Variants in RNF212B observed in about 807,000 individuals in gnomAD.
RNF212B encodes ring finger protein 212B.
A neutral mutation model predicts 55.5 loss-of-function variants in RNF212B; 52 were observed. The ratio of observed to expected loss-of-function variants is 0.94; its 90% CI spans 0.75 to 1.18. RNF212B has a LOEUF of 1.18. Among genes scored for constraint, RNF212B ranks in the 50% most tolerant of loss-of-function variants. The pLI, the probability that RNF212B is intolerant of heterozygous loss-of-function variation, is 0.00. For missense variants in RNF212B, 289 were observed against 350.4 expected (o/e 0.82, Z 1.40); for synonymous variants, 99 against 121.4 (o/e 0.82, Z 1.21).
In RNF212B at chr14:23,258,562, A is replaced by T; in HGVS notation, c.242A>T (p.Gln81Leu). Residue 81 changes from glutamine to leucine, a missense_variant, in exon 5 of 15, where the codon CAG (glutamine) becomes CTG (leucine). Transcript: ENST00000430154. ...FSHISQVWSF[Q>L]KKQTDLLIAF... ...TTTCCCTAGTAGGTGTGGAGTTTCCAGAAGAAACAAACAGATCTCCTCATC... is the reference window on the plus strand; with the variant it reads ...TTTCCCTAGTAGGTGTGGAGTTTCCTGAAGAAACAAACAGATCTCCTCATC... The T allele has an allele frequency of 6.5e-7, 1 of 1,530,746 alleles. No individual in the cohort carries two copies. Among genetic ancestry groups the T allele is most frequent in the Non-Finnish European group, 8.8e-7 (1 of 1,136,072 alleles). 94.8% of individuals were successfully genotyped at this position (1,530,746 alleles called of 1,614,324 possible).
At chr14:23,260,411 A>G (rs1885206945) in intron 6 of RNF212B, among the ~76,000 whole-genome samples, 1 of 151,782 alleles carries the variant, frequency 6.6e-6, no homozygotes, top group African/African-American at 2.4e-5. Context: ...CTCACCAGAG[A>G]CTCCGTATTT....
intron 4 of RNF212B, among the ~76,000 whole-genome samples, chr14:23,252,251 A>C (rs1331824564): frequency 2.0e-5 from 3 of 152,088 alleles, no homozygotes; most frequent in African/African-American, 7.2e-5. Flanking sequence ...GAATAACAAA[A>C]GATGCTCCTA....
chr14:23,240,237 C>T (rs978051183), intron 1 of RNF212B, 108 bp from the exon 2 acceptor site: 31 of 688,770 alleles, frequency 4.5e-5, no homozygotes, highest in Non-Finnish European at 7.2e-5. Flanking sequence ...TATGCCACAT[C>T]CCAAAAAGCT....
At chr14:23,222,117 A>G (rs1417148213) in intron 2 of RNF212B, among the ~76,000 whole-genome samples, 1 of 152,090 alleles carries the variant, frequency 6.6e-6, no homozygotes, top group Non-Finnish European at 1.5e-5. Context: ...AAATTAGGAG[A>G]AAAAAAGCAA....
chr14:23,264,262 G>T, intron 10 of RNF212B, 28 bp downstream of exon 10: 1 of 1,511,882 alleles, frequency 6.6e-7, no homozygotes. Context: ...TATCTTTCCA[G>T]ATTGAAGTTT....
At chr14:23,238,114 C>T (rs556607543) in intron 1 of RNF212B, among the ~76,000 whole-genome samples, 59 bp downstream of exon 1, 19 of 152,314 alleles carry the variant, frequency 1.2e-4, no homozygotes, top group African/African-American at 4.6e-4. Context: ...GCCCCATCGC[C>T]TCTGGAAAGC....
Position 23,262,678 on chromosome 14 carries a change from C to G in RNF212B, c.448C>G (p.Arg150Gly). 1.3e-6 allele frequency: 2 copies of G among 1,550,376 alleles called. No homozygotes were observed. Among genetic ancestry groups the G allele is most frequent in the Non-Finnish European group, 1.7e-6 (2 of 1,146,928 alleles). Residue 150 changes from arginine (R) to glycine (G), a missense_variant, in exon 8 of 15, where the codon CGA (arginine) becomes GGA (glycine). By Grantham distance (125) the Arg-to-Gly change is moderately radical. Transcript: ENST00000430154. The stretch of plus-strand genomic sequence containing the variant: ...TTTCCCTTGCAGGTCAATCACACCT[C>G]GACCAGTGGGCATTACTTCCCCATC... ...RYQGSRSITP[R>G]PVGITSPSQS...
intron 2 of RNF212B, among the ~76,000 whole-genome samples, chr14:23,230,274 T>A (rs1412267482): frequency 6.6e-6 from 1 of 152,246 alleles, no homozygotes; most frequent in Non-Finnish European, 1.5e-5. Flanking sequence ...TTCTTGATAG[T>A]ATCCTTTGTT....
chr14:23,259,363 A>ATTTTTTT (rs759972174), intron 5 of RNF212B: 1 of 114,248 alleles, frequency 8.8e-6, no homozygotes, highest in Non-Finnish European at 1.9e-5. Context: ...TAATTTTTGT[A>ATTTTTTT]TTTTTTTTTT....
chr14:23,231,676 C>G (rs2140420592), intron 2 of RNF212B, among the ~76,000 whole-genome samples: 1 of 152,232 alleles, frequency 6.6e-6, no homozygotes, highest in South Asian at 2.1e-4. Flanking sequence ...TCCATGGTCT[C>G]CCTCTGATGC....
chr14:23,258,529 G>C lies in RNF212B; in HGVS notation c.229-20G>C, dbSNP rs570782537. 3.9e-6 allele frequency: 5 copies of C among 1,273,524 alleles called. No individual in the cohort carries two copies. The African/African-American group carries it at 6.1e-5, about 15-fold the overall frequency. The allele number at this position is 1,273,524 out of a possible 1,614,324, so 78.9% of individuals were successfully genotyped here. ...AGGAGTTATGGGAGAGTATGTCAAA[G>C]GCTTGTTTTTCCCTAGTAGGTGTGG... is the stretch of plus-strand genomic sequence containing the variant. On this transcript the variant is annotated intron_variant, in intron 4 of 14. Coordinates refer to ENST00000430154, the MANE Select transcript of RNF212B (RefSeq NM_001282322.3).
chr14:23,198,350 A>C (rs1017432172), intron 2 of RNF212B, among the ~76,000 whole-genome samples: 2 of 152,164 alleles, frequency 1.3e-5, no homozygotes, highest in Admixed American at 1.3e-4. Flanking sequence ...ACTAATATCC[A>C]GTTTATAATC....
intron 4 of RNF212B, among the ~76,000 whole-genome samples, chr14:23,257,653 C>A (rs1247960921): frequency 6.6e-6 from 1 of 152,150 alleles, no homozygotes; most frequent in African/African-American, 2.4e-5. Context: ...AGCTAAAACA[C>A]TTTCTAAATA....
At chr14:23,234,954 C>T (rs35477689), upstream of RNF212B, among the ~76,000 whole-genome samples, 23,809 of 152,042 alleles carry the variant, frequency 0.16, 1,955 homozygotes, top group Non-Finnish European at 0.18. Context: ...TGGCTCATAC[C>T]TGTAATCCCA....
rs71119004 is a variant in RNF212B at position 23,221,233 on chromosome 14, GA to G, written c.-1-19097del. ...GAAACCCTGTCTCTACTGAAAATAGGAAAAAAAAAAAAAAAGAAAGAAACAC... is the reference window on the plus strand; with the variant it reads ...GAAACCCTGTCTCTACTGAAAATAGGAAAAAAAAAAAAAAGAAAGAAACAC... On this transcript the variant is annotated intron_variant, in intron 2 of 15. Transcript: ENST00000399910. Among the ~76,000 whole-genome samples the G allele has an allele frequency of 7.4e-3, 853 of 116,046 alleles. 6 individuals are homozygous for G. Among genetic ancestry groups the G allele is most frequent in the African/African-American group, 0.019 (593 of 31,508 alleles). The allele number at this position is 116,046 out of a possible 152,430, so 76.1% of individuals were successfully genotyped here. A position where few individuals can be genotyped will look rare whatever the true frequency, so the allele number is the denominator to read the frequency against.
intron 2 of RNF212B, among the ~76,000 whole-genome samples, chr14:23,202,177 A>C (rs993466452): frequency 2.0e-5 from 3 of 151,590 alleles, no homozygotes; most frequent in African/African-American, 7.3e-5. Flanking sequence ...CTTGAACCCA[A>C]GAGGAGGAGC....
At position 23,255,692 on chromosome 14, in the gene RNF212B, T is replaced by C. The variant is rs372570307; in HGVS notation, c.229-2857T>C. 5.9e-5 allele frequency among the ~76,000 whole-genome samples: 9 copies of C among 152,166 alleles called. No individual in the cohort carries two copies. In the East Asian group the frequency reaches 9.6e-4, roughly 16 times the overall value. On this transcript the variant is annotated intron_variant, in intron 4 of 14. Coordinates refer to ENST00000430154, the MANE Select transcript of RNF212B (RefSeq NM_001282322.3). ...CCAGTCTGGGCAATATAGCAAGATATCATTTCTAAAAAAATTTTTTTAATT... is the reference window on the plus strand; with the variant it reads ...CCAGTCTGGGCAATATAGCAAGATACCATTTCTAAAAAAATTTTTTTAATT...
intron 2 of RNF212B, among the ~76,000 whole-genome samples, chr14:23,206,353 G>T (rs930612232): frequency 2.6e-5 from 4 of 152,180 alleles, no homozygotes; most frequent in Non-Finnish European, 5.9e-5. Context: ...GATTACAGGC[G>T]TGAGCCACCG....
intron 2 of RNF212B, among the ~76,000 whole-genome samples, chr14:23,195,667 C>T (rs1462390737): frequency 2.6e-5 from 4 of 152,194 alleles, no homozygotes; most frequent in African/African-American, 9.7e-5. Context: ...ACAGCACATC[C>T]ACCCTCCTAA....
Sources: gnomAD v4.1 joint callset for allele counts (sites outside exome capture counted in the v4.1 genomes callset) on GRCh38, gnomAD v4.1.1 for gene constraint, MANE v1.5 for transcripts, NCBI Gene and HGNC (gene_info 2026-07-23, HGNC 2026-07-21) for gene names.